DBI: variants seen among roughly 807,000 people sequenced by gnomAD.
DBI encodes diazepam binding inhibitor, acyl-CoA binding protein, also known as acyl-CoA-binding protein.
In DBI, 12 loss-of-function variants were observed where a neutral mutation model predicts 13.0. That is an observed-to-expected ratio of 0.92 (90% CI 0.59 to 1.49). The LOEUF is 1.49. Among genes scored for constraint, DBI ranks in the 40% most tolerant of loss-of-function variants. The probability of loss-of-function intolerance (pLI) is 0.00; values close to 1 mark genes in which losing one functional copy is unlikely to be tolerated. For synonymous variants in DBI, 37 were observed against 37.4 expected, an observed-to-expected ratio of 0.99 and a Z score of 0.04; for missense variants, 95 against 104.8, an observed-to-expected ratio of 0.91 and a Z score of 0.41.
rs747016867 is a variant in DBI, at chr2:119,370,738, A to G, written c.128-2A>G. 1 of 1,613,896 alleles carries G rather than the reference A, an allele frequency of 6.2e-7. No homozygotes were observed. Among genetic ancestry groups the G allele is most frequent in the South Asian group, 1.1e-5 (1 of 91,004 alleles). On this transcript the variant is annotated splice_acceptor_variant, in intron 2 of 3. Transcript: ENST00000355857. LOFTEE classifies it high-confidence loss of function. Reference sequence around the variant, plus strand: ...CTAATGCCTTTTCTTCCCTTGTTTAAGAACGGCCCGGGATGTTGGACTTCA... The same window carrying G: ...CTAATGCCTTTTCTTCCCTTGTTTAGGAACGGCCCGGGATGTTGGACTTCA...
intron 2 of DBI, among the ~76,000 whole-genome samples, chr2:119,369,387 G>C (rs537794026): frequency 1.3e-5 from 2 of 152,274 alleles, no homozygotes; most frequent in East Asian, 3.9e-4. Flanking sequence ...AGGTGTCATC[G>C]GCTCTCTCTA....
At chr2:119,367,155 T>G in intron 1 of DBI, 95 bp downstream of exon 1, 1 of 1,568,142 alleles carries the variant, frequency 6.4e-7, no homozygotes, top group Non-Finnish European at 8.6e-7. Flanking sequence ...GCTCTTTCCT[T>G]CCGTGCCCCT....
intron 3 of DBI, among the ~76,000 whole-genome samples, chr2:119,371,430 G>A (rs759497153): frequency 5.9e-5 from 9 of 152,108 alleles, no homozygotes; most frequent in South Asian, 2.1e-4. Context: ...GTCCTTCTGC[G>A]AATGAGAAAC....
Position 119,372,435 on chromosome 2 carries a change from C to A in DBI, c.*117C>A, listed in dbSNP as rs1681590717. ...AAAATAACCAGTTAAACCAGCTACTCAAGGCTGCTCACCATACGGCTCTAA... is the reference window on the plus strand; with the variant it reads ...AAAATAACCAGTTAAACCAGCTACTAAAGGCTGCTCACCATACGGCTCTAA... On this transcript the variant is annotated 3_prime_UTR_variant, in exon 4 of 4. Coordinates refer to ENST00000355857, the MANE Select transcript of DBI (RefSeq NM_001079862.4). The A allele has an allele frequency of 5.4e-6, 4 of 741,146 alleles. No homozygotes were observed. Among genetic ancestry groups the A allele is most frequent in the Admixed American group, 4.2e-5 (2 of 48,128 alleles). The allele number at this position is 741,146 out of a possible 1,614,324, so 45.9% of individuals were successfully genotyped here.
rs924580771 is a variant in DBI, at chr2:119,367,240, T to A, written c.9+180T>A. The A allele has an allele frequency of 7.6e-6, 11 of 1,438,572 alleles. No homozygotes were observed. In the Admixed American group the frequency reaches 2.8e-4, roughly 37 times the overall value. The allele number at this position is 1,438,572 out of a possible 1,614,324, so 89.1% of individuals were successfully genotyped here. A position where few individuals can be genotyped will look rare whatever the true frequency, so the allele number is the denominator to read the frequency against. ...GTGAGCGGGATTTTCCGTTTGGGGATTTCTAAATCTGCTGCCCACCCCGCA... is the reference window on the plus strand; with the variant it reads ...GTGAGCGGGATTTTCCGTTTGGGGAATTCTAAATCTGCTGCCCACCCCGCA... On this transcript the variant is annotated intron_variant, in intron 1 of 3. Coordinates refer to ENST00000355857, the MANE Select transcript of DBI (RefSeq NM_001079862.4).
intron 1 of DBI, 37 bp downstream of exon 1, chr2:119,367,097 C>T (rs779927748): frequency 3.3e-5 from 53 of 1,612,670 alleles, no homozygotes; most frequent in Non-Finnish European, 4.1e-5. Flanking sequence ...GAAGGTGCAG[C>T]GGGCGGGAGG....
At chr2:119,371,909 C>T (rs1681541683) in intron 3 of DBI, among the ~76,000 whole-genome samples, 1 of 152,208 alleles carries the variant, frequency 6.6e-6, no homozygotes, top group African/African-American at 2.4e-5. Flanking sequence ...AGTAAAGTCA[C>T]CACGATGACA....
At chr2:119,371,144 A>G (rs553647676) in intron 3 of DBI, among the ~76,000 whole-genome samples, 18 of 152,276 alleles carry the variant, frequency 1.2e-4, no homozygotes, top group African/African-American at 3.6e-4. Context: ...CCTCTCCCCT[A>G]CAAGGCCAGG....
At position 119,369,025 on chromosome 2, in the gene DBI, G is replaced by T. The variant is rs114971971; in HGVS notation, c.127+720G>T. On this transcript the variant is annotated intron_variant, in intron 2 of 3. Coordinates refer to ENST00000355857, the MANE Select transcript of DBI (RefSeq NM_001079862.4). ...GAAGGCGAGCATGGTCCCTATTTCC[G>T]CAGTAGCTGGGGTGGAAGATGGAGC... Among the ~76,000 whole-genome samples the T allele has an allele frequency of 2.6e-5, 4 of 152,178 alleles. No homozygotes were observed. The South Asian group carries it at 6.2e-4, about 24-fold the overall frequency.
At position 119,372,443 on chromosome 2, in the gene DBI, C is replaced by G. The variant is rs1004791621; in HGVS notation, c.*125C>G. On this transcript the variant is annotated 3_prime_UTR_variant, in exon 4 of 4. Coordinates refer to ENST00000355857, the MANE Select transcript of DBI (RefSeq NM_001079862.4). ...CAGTTAAACCAGCTACTCAAGGCTG[C>G]TCACCATACGGCTCTAACAGATTAG... 5.7e-6 allele frequency: 4 copies of G among 699,380 alleles called. No individual in the cohort carries two copies. The highest frequency in any genetic ancestry group is 5.3e-5 in the African/African-American group (3 of 56,546). 43.3% of individuals were successfully genotyped at this position (699,380 alleles called of 1,614,324 possible).
chr2:119,367,467 A>AG (rs1183153902), intron 1 of DBI: 7 of 1,588,212 alleles, frequency 4.4e-6, no homozygotes, highest in Non-Finnish European at 6.0e-6. Flanking sequence ...CTTGGAGGTC[A>AG]GGGGAAGTAC....
intron 2 of DBI, chr2:119,368,680 G>A (rs1158278559): frequency 5.2e-6 from 1 of 193,134 alleles, no homozygotes; most frequent in Admixed American, 5.3e-5. Flanking sequence ...TGGAGCACTT[G>A]ACAGCCTGGC....
Position 119,372,228 on chromosome 2 carries a change from C to T in DBI, c.191-17C>T, listed in dbSNP as rs1681566341. The T allele has an allele frequency of 6.2e-7, 1 of 1,604,884 alleles. No homozygotes were observed. The highest frequency in any genetic ancestry group is 8.5e-7 in the Non-Finnish European group (1 of 1,171,984). On this transcript the variant is annotated splice_polypyrimidine_tract_variant and intron_variant, in intron 3 of 3. Coordinates refer to ENST00000355857, the MANE Select transcript of DBI (RefSeq NM_001079862.4). ...CATGCTACCTCCCTGACACATAATC[C>T]TGTCGATTCCTTACAGGGACTTCCA...
At chr2:119,367,991 C>T (rs1681188159) in intron 1 of DBI, 197 bp from the exon 2 acceptor site, 2 of 1,610,820 alleles carry the variant, frequency 1.2e-6, no homozygotes, top group Non-Finnish European at 1.7e-6. Flanking sequence ...GCTTCCCCTT[C>T]TTGTGTTGCT....
rs1681047712 is a variant in DBI, at chr2:119,367,043, T to C, written c.-9T>C. ...GCTGTCTCCCTGGAGTTCTTGCAAG[T>C]CGGCCAGGATGTCTCAGGTACAGCG... On this transcript the variant is annotated 5_prime_UTR_variant, in exon 1 of 4. Transcript: ENST00000355857. The C allele has an allele frequency of 6.2e-7, 1 of 1,614,082 alleles. No homozygotes were observed. Among genetic ancestry groups the C allele is most frequent in the Non-Finnish European group, 8.5e-7 (1 of 1,179,988 alleles).
chr2:119,367,175 A>T, intron 1 of DBI, 115 bp downstream of exon 1: 9 of 1,531,988 alleles, frequency 5.9e-6, no homozygotes, highest in Admixed American at 2.1e-5. Context: ...TCACTTGCTC[A>T]TGGGCCCATG....
At chr2:119,368,467 C>T (rs1465054510) in intron 2 of DBI, 162 bp downstream of exon 2, 10 of 631,728 alleles carry the variant, frequency 1.6e-5, no homozygotes, top group Non-Finnish European at 1.4e-5. Flanking sequence ...GTTCCGGATT[C>T]TCAGTGTCTC....
chr2:119,371,659 G>C (rs2104699662), intron 3 of DBI, among the ~76,000 whole-genome samples: 1 of 152,292 alleles, frequency 6.6e-6, no homozygotes, highest in South Asian at 2.1e-4. Flanking sequence ...TGTCTCTGAG[G>C]GATACATTCA....
chr2:119,367,558 G>C (rs775432478), intron 1 of DBI: 7 of 1,614,002 alleles, frequency 4.3e-6, no homozygotes, highest in African/African-American at 2.7e-5. Flanking sequence ...CTTCTCTCCA[G>C]TGTAGACCCT....
Sources: allele counts gnomAD v4.1 joint callset (sites outside exome capture counted in the v4.1 genomes callset), GRCh38; gene constraint gnomAD v4.1.1; transcripts MANE v1.5; gene names NCBI Gene and HGNC (gene_info 2026-07-23, HGNC 2026-07-21).